The following NOS1 variants were observed in gnomAD, a reference collection of about 807,000 sequenced individuals.
NOS1 encodes the protein nitric oxide synthase 1, also known as NOS type I.
A neutral mutation model predicts 164.5 loss-of-function variants in NOS1; 51 were observed. The observed-to-expected ratio is 0.31, with a 90% CI of 0.25 to 0.39. The LOEUF is 0.39. Ranked by LOEUF, NOS1 falls within the 10% of genes least tolerant of loss-of-function variation. NOS1 has a pLI of 1.00. For synonymous variants in NOS1, 719 were observed against 745.8 expected (o/e 0.96, Z 0.59); for missense variants, 1,362 against 1,885.6 (o/e 0.72, Z 5.14).
At chr12:117,237,914 G>A (rs1270744563) in intron 20 of NOS1, among the ~76,000 whole-genome samples, 1 of 152,120 alleles carries the variant, frequency 6.6e-6, no homozygotes, top group Non-Finnish European at 1.5e-5. Context: ...GATGGGTTGA[G>A]GGGAGCAGGC....
intron 7 of NOS1, among the ~76,000 whole-genome samples, chr12:117,284,609 T>A (rs9658361): frequency 0.34 from 52,079 of 151,886 alleles, 9,142 homozygotes; most frequent in Middle Eastern, 0.4. Flanking sequence ...ATTTTCTGAT[T>A]CCTGGGAATC....
In NOS1 at chr12:117,356,870, C is replaced by T. The variant is rs750751149; in HGVS notation, c.-421+4642G>A. Among the ~76,000 whole-genome samples, 2 of 152,164 alleles carry T rather than the reference C, an allele frequency of 1.3e-5. No individual in the cohort carries two copies. Among genetic ancestry groups the T allele is most frequent in the African/African-American group, 2.4e-5 (1 of 41,438 alleles). ...TCCACCTTAAGAATGGGCATGTGAG[C>T]AACATAAACACACTTGCAAAGGCTG... On this transcript the variant is annotated intron_variant, in intron 1 of 28. Transcript: ENST00000317775. The surrounding 1 kb of genome is among the most constrained non-coding windows in gnomAD (Gnocchi z 4.2).
intron 10 of NOS1, among the ~76,000 whole-genome samples, chr12:117,271,468 G>A (rs1872785979): frequency 6.6e-6 from 1 of 152,120 alleles, no homozygotes. Context: ...AGTAGAGACG[G>A]GGTTTCACCA....
At chr12:117,237,367 G>A (rs946080149) in intron 20 of NOS1, among the ~76,000 whole-genome samples, 5 of 113,952 alleles carry the variant, frequency 4.4e-5, no homozygotes, top group African/African-American at 2.4e-4. Context: ...CCTGATTTCA[G>A]ATGATCCACC....
Position 117,210,421 on chromosome 12 carries a change from G to C in NOS1, c.*4888C>G, listed in dbSNP as rs1956509482. 1 of 985,310 alleles carries C rather than the reference G, an allele frequency of 1.0e-6. No homozygotes were observed. Among genetic ancestry groups the C allele is most frequent in the Non-Finnish European group, 1.2e-6 (1 of 829,972 alleles). The allele number at this position is 985,310 out of a possible 1,614,324, so 61.0% of individuals were successfully genotyped here. On this transcript the variant is annotated 3_prime_UTR_variant, in exon 29 of 29. Coordinates refer to ENST00000317775, the MANE Select transcript of NOS1 (RefSeq NM_000620.5). ...CCTGGCAGTCTCAGACTACATTCCT[G>C]ATACAGACAGAAGGCTTTGAGGACA...
At chr12:117,318,922 G>A (rs2136062385) in intron 2 of NOS1, among the ~76,000 whole-genome samples, 1 of 152,340 alleles carries the variant, frequency 6.6e-6, no homozygotes, top group African/African-American at 2.4e-5. Flanking sequence ...CACCTGGGCT[G>A]GAATGCTGGG....
At chr12:117,251,350 A>G (rs1458902012) in intron 17 of NOS1, among the ~76,000 whole-genome samples, 1 of 152,102 alleles carries the variant, frequency 6.6e-6, no homozygotes, top group Non-Finnish European at 1.5e-5. Context: ...CCAACAGATG[A>G]TGATTCAGGC....
At chr12:117,349,816 T>C (rs926020443) in intron 1 of NOS1, among the ~76,000 whole-genome samples, 1 of 152,208 alleles carries the variant, frequency 6.6e-6, no homozygotes, top group African/African-American at 2.4e-5. Context: ...CTCGAACTCC[T>C]GGGCTCAAGG....
chr12:117,311,643 C>A, intron 2 of NOS1, 51 bp from the exon 3 acceptor site: 4 of 1,569,046 alleles, frequency 2.5e-6, no homozygotes, highest in South Asian at 1.2e-5. Context: ...GAGGGACTTG[C>A]TGGTTGCTTT....
chr12:117,225,264 G>C, intron 24 of NOS1, 127 bp from the exon 25 acceptor site: 3 of 1,261,996 alleles, frequency 2.4e-6, no homozygotes, highest in South Asian at 1.5e-5. Context: ...CTTCAGCCGG[G>C]GCCAGGTGCC....
intron 14 of NOS1, 148 bp downstream of exon 14, chr12:117,260,317 T>C (rs1871800635): frequency 2.5e-6 from 2 of 786,116 alleles, no homozygotes; most frequent in African/African-American, 3.5e-5. Context: ...CCCTGAAATT[T>C]ATGCAAATGT....
At chr12:117,247,297 G>C (rs760043347) in intron 18 of NOS1, 51 bp downstream of exon 18, 69 of 1,443,286 alleles carry the variant, frequency 4.8e-5, no homozygotes, top group African/African-American at 7.1e-5. Flanking sequence ...GCTGTCTTTG[G>C]GGGTGTGGGG....
chr12:117,266,212 G>A (rs927580019), intron 11 of NOS1, among the ~76,000 whole-genome samples: 5 of 152,096 alleles, frequency 3.3e-5, no homozygotes, highest in Admixed American at 1.3e-4. Flanking sequence ...CCCATCGCCC[G>A]AGCAGTATAC....
intron 17 of NOS1, among the ~76,000 whole-genome samples, chr12:117,248,512 C>T (rs1175345247): frequency 6.6e-6 from 1 of 151,552 alleles, no homozygotes. Context: ...CATGTCCCTA[C>T]AAAGGACATG....
At chr12:117,274,368 TA>T (rs1400397485) in intron 9 of NOS1, among the ~76,000 whole-genome samples, 2 of 152,106 alleles carry the variant, frequency 1.3e-5, no homozygotes, top group South Asian at 4.2e-4. Flanking sequence ...TTGGTGGGAA[TA>T]TAGGCTAGTA....
At chr12:117,242,489 A>G in intron 20 of NOS1, 138 bp downstream of exon 20, 1 of 724,480 alleles carries the variant, frequency 1.4e-6, no homozygotes, top group South Asian at 1.6e-5. Context: ...CAGACACTAT[A>G]AAGCAGCAAG....
chr12:117,341,504 T>G (rs1876110763), intron 1 of NOS1, among the ~76,000 whole-genome samples: 1 of 152,210 alleles, frequency 6.6e-6, no homozygotes, highest in Non-Finnish European at 1.5e-5. Flanking sequence ...CTCATTTACT[T>G]GAGCTAGTTC....
rs1956512823 is a variant in NOS1 at position 117,210,632 on chromosome 12, A to G, written c.*4677T>C. 25 of 985,496 alleles carry G rather than the reference A, an allele frequency of 2.5e-5. No individual in the cohort carries two copies. The highest frequency in any genetic ancestry group is 3.0e-5 in the Non-Finnish European group (25 of 829,962). 61.0% of individuals were successfully genotyped at this position (985,496 alleles called of 1,614,324 possible). A position where few individuals can be genotyped will look rare whatever the true frequency, so the allele number is the denominator to read the frequency against. On this transcript the variant is annotated 3_prime_UTR_variant, in exon 29 of 29. Transcript: ENST00000317775. ...AGGCATCTGGATTGCCCATCCTATTAGGACCATTTGCCCTATGAGCTAGGT... is the reference window on the plus strand; with the variant it reads ...AGGCATCTGGATTGCCCATCCTATTGGGACCATTTGCCCTATGAGCTAGGT...
At chr12:117,317,163 G>A (rs1446740344) in intron 2 of NOS1, among the ~76,000 whole-genome samples, 1 of 152,062 alleles carries the variant, frequency 6.6e-6, no homozygotes, top group Non-Finnish European at 1.5e-5. Flanking sequence ...TTACAGGTGT[G>A]AGCCACTGCG....
Sources: allele counts gnomAD v4.1 joint callset (sites outside exome capture counted in the v4.1 genomes callset), GRCh38; gene constraint gnomAD v4.1.1; non-coding constraint Gnocchi (gnomAD v3.1); transcripts MANE v1.5; gene names NCBI Gene and HGNC (gene_info 2026-07-23, HGNC 2026-07-21).